Variants in TINAG observed in about 807,000 individuals in gnomAD.
TINAG encodes tubulointerstitial nephritis antigen.
A neutral mutation model predicts 72.7 loss-of-function variants in TINAG; 83 were observed. The observed-to-expected ratio is 1.14, with a 90% CI of 0.96 to 1.37. TINAG has a LOEUF of 1.37. Among genes scored for constraint, TINAG ranks in the 40% most tolerant of loss-of-function variants. The pLI, the probability that TINAG is intolerant of heterozygous loss-of-function variation, is 0.00. For synonymous variants in TINAG, 234 were observed against 189.9 expected (o/e 1.23, Z -1.91); for missense variants, 685 against 576.6 (o/e 1.19, Z -1.93).
At chr6:54,362,831 C>T (rs149888709) in intron 9 of TINAG, among the ~76,000 whole-genome samples, 1 of 151,264 alleles carries the variant, frequency 6.6e-6, no homozygotes, top group East Asian at 2.0e-4. Flanking sequence ...GATTCCAGTC[C>T]TCAGGGATTA....
intron 9 of TINAG, among the ~76,000 whole-genome samples, chr6:54,375,534 T>C (rs1454676724): frequency 5.9e-5 from 9 of 152,188 alleles, no homozygotes; most frequent in African/African-American, 2.2e-4. Flanking sequence ...TGACTCTTTC[T>C]CATCCCTTTC....
At chr6:54,373,652 G>A (rs1259815654) in intron 9 of TINAG, among the ~76,000 whole-genome samples, 1 of 152,036 alleles carries the variant, frequency 6.6e-6, no homozygotes, top group Non-Finnish European at 1.5e-5. Context: ...TCTACCATTA[G>A]CTGACATGGA....
chr6:54,326,806 A>G lies in TINAG; in HGVS notation c.514A>G (p.Thr172Ala), dbSNP rs1339193957. The G allele has an allele frequency of 6.2e-7, 1 of 1,603,216 alleles. No individual in the cohort carries two copies. The highest frequency in any genetic ancestry group is 1.1e-5 in the South Asian group (1 of 88,168). The change falls in exon 4 of 11, where the codon ACA (threonine) becomes GCA (alanine). Residue 172 changes from threonine (T) to alanine (A), a missense_variant. Transcript: ENST00000259782. The stretch of plus-strand genomic sequence containing the variant: ...TTTCTCTCATTTGTAAGGCAGATGG[A>G]CAGCACAGAATTACAGCCAATTTTG... ...EQVNKGDYGW[T>A]AQNYSQFWGM...
At chr6:54,360,790 G>A (rs1445822161) in intron 9 of TINAG, among the ~76,000 whole-genome samples, 1 of 125,090 alleles carries the variant, frequency 8.0e-6, no homozygotes, top group Non-Finnish European at 1.7e-5. Flanking sequence ...AAGATATATA[G>A]TCCTACCTCA....
At chr6:54,362,939 C>A (rs1763285762) in intron 9 of TINAG, among the ~76,000 whole-genome samples, 1 of 151,564 alleles carries the variant, frequency 6.6e-6, no homozygotes, top group Non-Finnish European at 1.5e-5. Context: ...GAAGTTTTGA[C>A]TGAATTTCTG....
chr6:54,379,948 G>A (rs1017536861), intron 9 of TINAG, among the ~76,000 whole-genome samples: 2 of 151,872 alleles, frequency 1.3e-5, no homozygotes, highest in African/African-American at 4.8e-5. Context: ...CCCCCAAACA[G>A]GCCCCAGTGT....
chr6:54,343,802 A>G (rs865936921), intron 5 of TINAG, among the ~76,000 whole-genome samples: 1 of 152,244 alleles, frequency 6.6e-6, no homozygotes, highest in African/African-American at 2.4e-5. Context: ...CCTAAATAAT[A>G]ATGGATCAAA....
intron 10 of TINAG, among the ~76,000 whole-genome samples, chr6:54,389,404 T>G (rs1194034771): frequency 6.6e-6 from 1 of 152,182 alleles, no homozygotes; most frequent in African/African-American, 2.4e-5. Flanking sequence ...TTCATTAGAT[T>G]ATAAACTTCC....
In TINAG at chr6:54,347,368, T is replaced by C; in HGVS notation, c.750T>C (p.Ser250=). 1 of 1,612,216 alleles carries C rather than the reference T, an allele frequency of 6.2e-7. No individual in the cohort carries two copies. Among genetic ancestry groups the C allele is most frequent in the Non-Finnish European group, 8.5e-7 (1 of 1,179,066 alleles). The part of the protein sequence containing the change: ...CAASWAFSTA[S]VAADRIAIQS... ...TAATTGATATTCTATTTGAAACAGG[T>C]GTGGCTGCTGACCGAATAGCAATTC... is the stretch of plus-strand genomic sequence containing the variant. Residue 250 remains serine, a splice_region_variant and synonymous_variant, in exon 6 of 11, where the codon AGT becomes AGC. Transcript: ENST00000259782.
chr6:54,337,111 A>G (rs1784882829), intron 4 of TINAG, among the ~76,000 whole-genome samples: 1 of 151,714 alleles, frequency 6.6e-6, no homozygotes, highest in South Asian at 2.1e-4. Flanking sequence ...TCTAGATAAC[A>G]TGTAATAATA....
chr6:54,308,061 A>G, upstream of TINAG: 1 of 1,549,924 alleles, frequency 6.5e-7, no homozygotes, highest in Non-Finnish European at 8.7e-7. Context: ...CTAGCAGGCA[A>G]CCTCATGAGA....
At chr6:54,327,019 T>C (rs1412120927) in intron 4 of TINAG, 103 bp downstream of exon 4, 8 of 1,558,576 alleles carry the variant, frequency 5.1e-6, no homozygotes, top group Admixed American at 2.0e-5. Context: ...AGTTTTGAGC[T>C]TTCAGTCATA....
chr6:54,364,722 C>T (rs1006577606), intron 9 of TINAG, among the ~76,000 whole-genome samples: 5 of 151,140 alleles, frequency 3.3e-5, no homozygotes, highest in Non-Finnish European at 5.9e-5. Flanking sequence ...TTTTAGGTAC[C>T]TCAATAAGTT....
intron 1 of TINAG, among the ~76,000 whole-genome samples, chr6:54,312,652 C>T (rs934747814): frequency 6.6e-6 from 1 of 151,924 alleles, no homozygotes; most frequent in African/African-American, 2.4e-5. Flanking sequence ...GATAATGTGG[C>T]AATCTACATA....
chr6:54,363,049 G>T (rs1763288138), intron 9 of TINAG, among the ~76,000 whole-genome samples: 1 of 151,560 alleles, frequency 6.6e-6, no homozygotes, highest in African/African-American at 2.4e-5. Flanking sequence ...AGGAAGTAAA[G>T]TCTGAGCTGG....
intron 10 of TINAG, among the ~76,000 whole-genome samples, chr6:54,384,675 G>T (rs551119442): frequency 1.3e-5 from 2 of 152,026 alleles, no homozygotes; most frequent in South Asian, 2.1e-4. Context: ...ATTAAAGCAC[G>T]TTTGGACAAA....
chr6:54,338,995 T>G (rs1208517391), intron 4 of TINAG, among the ~76,000 whole-genome samples: 1 of 152,168 alleles, frequency 6.6e-6, no homozygotes, highest in Non-Finnish European at 1.5e-5. Flanking sequence ...GAACTAGTGT[T>G]CTAAGGAACT....
intron 9 of TINAG, among the ~76,000 whole-genome samples, chr6:54,365,973 T>C (rs1763400097): frequency 1.3e-5 from 2 of 151,600 alleles, no homozygotes; most frequent in African/African-American, 4.8e-5. Context: ...ATGAACAGAC[T>C]GGGCAACATA....
At chr6:54,318,828 C>G (rs1053147954) in intron 1 of TINAG, among the ~76,000 whole-genome samples, 6 of 152,080 alleles carry the variant, frequency 3.9e-5, no homozygotes, top group African/African-American at 1.4e-4. Flanking sequence ...TGTGTCAACA[C>G]CTTGACCGGG....
Sources: allele counts gnomAD v4.1 joint callset (sites outside exome capture counted in the v4.1 genomes callset), GRCh38; gene constraint gnomAD v4.1.1; transcripts MANE v1.5; gene names NCBI Gene and HGNC (gene_info 2026-07-23, HGNC 2026-07-21).